The following SCARA5 variants were observed in gnomAD, a reference collection of about 807,000 sequenced individuals.
SCARA5 encodes scavenger receptor class A member 5.
A neutral mutation model predicts 46.3 loss-of-function variants in SCARA5; 45 were observed. That is an observed-to-expected ratio of 0.97 (90% CI 0.76 to 1.24). The LOEUF (loss-of-function observed/expected upper bound fraction) is 1.24. SCARA5 is among the 50% of genes most tolerant of loss of function. SCARA5 has a pLI of 0.00. For missense variants in SCARA5, 680 were observed against 689.0 expected (o/e 0.99, Z 0.15); for synonymous variants, 333 against 306.5 (o/e 1.09, Z -0.90).
At chr8:27,970,268 G>A (rs758450343) in intron 2 of SCARA5, among the ~76,000 whole-genome samples, 6 of 152,134 alleles carry the variant, frequency 3.9e-5, no homozygotes, top group Non-Finnish European at 7.3e-5. Context: ...ATGGCAGCCT[G>A]GCCAATATCT....
At chr8:27,907,295 G>A (rs1437094912) in intron 5 of SCARA5, 49 bp from the exon 6 acceptor site, 1 of 1,403,452 alleles carries the variant, frequency 7.1e-7, no homozygotes, top group Non-Finnish European at 1.0e-6. Flanking sequence ...AGAACAGGAA[G>A]GACCCTCAGA....
In SCARA5 at chr8:27,921,989, C is replaced by T. The variant is rs774192374; in HGVS notation, c.498G>A (p.Ala166=). The change falls in exon 4 of 9, where the codon GCG becomes GCA. Residue 166 remains alanine (A), a synonymous_variant. Coordinates refer to ENST00000354914, the MANE Select transcript of SCARA5 (RefSeq NM_173833.6). ...LQAQAVQTEQ[A]VALLRDRTGQ... is the part of the protein sequence containing the mutation. ...CCGTGCGGTCCCGCAGCAGGGCCAC[C>T]GCCTGCTCGGTCTGCACCGCCTGCG... 6.4e-7 allele frequency: 1 copy of T among 1,552,922 alleles called. No individual in the cohort carries two copies. Among genetic ancestry groups the T allele is most frequent in the Non-Finnish European group, 8.6e-7 (1 of 1,158,122 alleles).
At chr8:27,962,717 T>G (rs529505560) in intron 3 of SCARA5, among the ~76,000 whole-genome samples, 1 of 152,316 alleles carries the variant, frequency 6.6e-6, no homozygotes, top group African/African-American at 2.4e-5. Context: ...ATTCCAGCCC[T>G]CAGAGATTGG....
intron 7 of SCARA5, among the ~76,000 whole-genome samples, chr8:27,882,912 C>A (rs941980836): frequency 6.6e-6 from 1 of 152,298 alleles, no homozygotes; most frequent in East Asian, 1.9e-4. Context: ...ACCTGAATGA[C>A]CTTAAGGTAG....
intron 3 of SCARA5, among the ~76,000 whole-genome samples, chr8:27,960,634 G>A (rs1025447311): frequency 6.6e-6 from 1 of 152,210 alleles, no homozygotes; most frequent in Non-Finnish European, 1.5e-5. Context: ...GCCTCAAAAT[G>A]ATAGAGCCAT....
At chr8:27,887,340 C>T (rs2063061521) in intron 7 of SCARA5, among the ~76,000 whole-genome samples, 1 of 152,158 alleles carries the variant, frequency 6.6e-6, no homozygotes, top group Non-Finnish European at 1.5e-5. Flanking sequence ...GCGTTAGGTG[C>T]AGAGACTATC....
chr8:27,940,553 CT>C (rs1487530335), intron 3 of SCARA5, among the ~76,000 whole-genome samples: 1 of 152,180 alleles, frequency 6.6e-6, no homozygotes, highest in Admixed American at 6.5e-5. Context: ...CAGTTCACAT[CT>C]TTTTCTACTA....
At chr8:27,984,272 G>T (rs1215875702) in intron 2 of SCARA5, among the ~76,000 whole-genome samples, 1 of 152,176 alleles carries the variant, frequency 6.6e-6, no homozygotes, top group Non-Finnish European at 1.5e-5. Flanking sequence ...GAAAGGAAAA[G>T]GGGGAAAAAT....
chr8:27,876,072 T>C (rs1806719285), intron 8 of SCARA5, among the ~76,000 whole-genome samples: 1 of 152,124 alleles, frequency 6.6e-6, no homozygotes, highest in Non-Finnish European at 1.5e-5. Context: ...GCAGGTGTGG[T>C]GGCCGTGAGG....
At position 27,870,623 on chromosome 8, in the gene SCARA5, G is replaced by A. The variant is rs1026759033; in HGVS notation, c.*1311C>T. ...CACTTGCTACCAGGTAGCTCCCCTA[G>A]TTCTTGAACATGTGTATGGCCCAGT... On this transcript the variant is annotated 3_prime_UTR_variant, in exon 9 of 9. Transcript: ENST00000354914. 2 of 152,082 alleles carry A rather than the reference G, an allele frequency of 1.3e-5. No individual in the cohort carries two copies. The highest frequency in any genetic ancestry group is 2.9e-5 in the Non-Finnish European group (2 of 68,026). The allele number at this position is 152,082 out of a possible 1,614,324, so 9.4% of individuals were successfully genotyped here. A position where few individuals can be genotyped will look rare whatever the true frequency, so the allele number is the denominator to read the frequency against.
intron 3 of SCARA5, among the ~76,000 whole-genome samples, chr8:27,929,374 G>A (rs922997175): frequency 2.0e-5 from 3 of 152,174 alleles, no homozygotes; most frequent in Non-Finnish European, 4.4e-5. Context: ...AATACATCAG[G>A]TGTCCCTACA....
chr8:27,947,941 T>C (rs1018584930), intron 3 of SCARA5, among the ~76,000 whole-genome samples: 4 of 151,852 alleles, frequency 2.6e-5, no homozygotes, highest in Non-Finnish European at 4.4e-5. Flanking sequence ...GACAAATCCA[T>C]AGAGACAGAA....
rs527305836 is a variant in SCARA5 at position 27,870,209 on chromosome 8, C to T, written c.*1725G>A. ...GTTTGTTCAATGTGGCATCTTTCACCTTTAGTTTTTTTTTTTTTTTTTTTT... is the reference window on the plus strand; with the variant it reads ...GTTTGTTCAATGTGGCATCTTTCACTTTTAGTTTTTTTTTTTTTTTTTTTT... On this transcript the variant is annotated 3_prime_UTR_variant, in exon 9 of 9. Transcript: ENST00000354914. The T allele has an allele frequency of 7.9e-5, 10 of 127,114 alleles. No individual in the cohort carries two copies. The Admixed American group carries it at 8.1e-4, about 10-fold the overall frequency. 7.9% of individuals were successfully genotyped at this position (127,114 alleles called of 1,614,324 possible).
intron 3 of SCARA5, among the ~76,000 whole-genome samples, chr8:27,937,132 C>T (rs1807869558): frequency 1.3e-5 from 2 of 152,184 alleles, no homozygotes; most frequent in African/African-American, 4.8e-5. Flanking sequence ...TAACACAGAA[C>T]CTTGCACCTG....
At chr8:27,931,804 G>A (rs1563530316) in intron 3 of SCARA5, among the ~76,000 whole-genome samples, 2 of 151,612 alleles carry the variant, frequency 1.3e-5, no homozygotes, top group African/African-American at 2.4e-5. Flanking sequence ...ACATGCACAC[G>A]CCACCACGCC....
intron 2 of SCARA5, among the ~76,000 whole-genome samples, chr8:27,979,035 C>A (rs1186510648): frequency 6.6e-6 from 1 of 152,172 alleles, no homozygotes; most frequent in African/African-American, 2.4e-5. Context: ...CTGGTCAGGT[C>A]TAATTCCACC....
chr8:27,889,542 A>C (rs1402472288), intron 7 of SCARA5, among the ~76,000 whole-genome samples: 1 of 151,912 alleles, frequency 6.6e-6, no homozygotes, highest in African/African-American at 2.4e-5. Flanking sequence ...CCAGTTCTCC[A>C]TCTACACCCT....
intron 3 of SCARA5, among the ~76,000 whole-genome samples, chr8:27,934,075 C>G (rs1340101904): frequency 1.3e-5 from 2 of 152,146 alleles, no homozygotes; most frequent in South Asian, 2.1e-4. Context: ...AATGAACTCT[C>G]TGGGAAAGGG....
intron 3 of SCARA5, among the ~76,000 whole-genome samples, chr8:27,962,209 A>G (rs114522069): frequency 0.01 from 1,537 of 152,336 alleles, 22 homozygotes; most frequent in African/African-American, 0.035. Context: ...TTTTGTTTTA[A>G]TGACCTTCAA....
Sources: allele counts gnomAD v4.1 joint callset (sites outside exome capture counted in the v4.1 genomes callset), GRCh38; gene constraint gnomAD v4.1.1; transcripts MANE v1.5; gene names NCBI Gene and HGNC (gene_info 2026-07-23, HGNC 2026-07-21).